ABI2: variants seen among roughly 807,000 people sequenced by gnomAD.
ABI2 encodes the protein abl interactor 2, also known as abelson interactor 2.
In ABI2, 25 loss-of-function variants were observed where a neutral mutation model predicts 59.2. The observed-to-expected ratio is 0.42, with a 90% CI of 0.31 to 0.59. ABI2 has a LOEUF of 0.59. Among genes scored for constraint, ABI2 ranks in the 20% least tolerant of loss-of-function variants. ABI2 has a pLI of 0.14. For missense variants in ABI2, 545 were observed against 681.8 expected, an observed-to-expected ratio of 0.80 and a Z score of 2.23; for synonymous variants, 213 against 235.5, an observed-to-expected ratio of 0.90 and a Z score of 0.87.
intron 7 of ABI2, 23 bp from the exon 8 acceptor site, chr2:203,396,762 C>T: frequency 6.6e-7 from 1 of 1,510,932 alleles, no homozygotes; most frequent in Non-Finnish European, 8.8e-7. Flanking sequence ...TTAATGCTGC[C>T]TCTTACTCCT....
chr2:203,430,202 CTCTT>C lies in ABI2; in HGVS notation c.*2852_*2855del, dbSNP rs527538907. On this transcript the variant is annotated 3_prime_UTR_variant, in exon 12 of 12. Coordinates refer to ENST00000261018, the MANE Select transcript of ABI2 (RefSeq NM_001375670.1). The stretch of plus-strand genomic sequence containing the variant: ...ATTTTTTGTTTTATTGTAAGTTTCC[CTCTT>C]TTTTTATAAATTAAAAGATGGTTGG... The C allele has an allele frequency of 6.6e-5, 10 of 152,012 alleles. No individual in the cohort carries two copies. The highest frequency in any genetic ancestry group is 4.4e-5 in the Non-Finnish European group (3 of 68,006). 9.4% of individuals were successfully genotyped at this position (152,012 alleles called of 1,614,324 possible).
chr2:203,398,245 C>T (rs995856591), intron 8 of ABI2, among the ~76,000 whole-genome samples: 3 of 152,050 alleles, frequency 2.0e-5, no homozygotes, highest in Non-Finnish European at 4.4e-5. Flanking sequence ...GTTTTTTGAT[C>T]CAGATACAAC....
At chr2:203,368,431 T>C (rs2094708457) in intron 2 of ABI2, among the ~76,000 whole-genome samples, 1 of 152,098 alleles carries the variant, frequency 6.6e-6, no homozygotes, top group South Asian at 2.1e-4. Context: ...ATGTGCATAT[T>C]ATTATTATTT....
intron 4 of ABI2, among the ~76,000 whole-genome samples, chr2:203,390,424 G>T (rs2096698838): frequency 6.6e-6 from 1 of 152,156 alleles, no homozygotes; most frequent in East Asian, 1.9e-4. Flanking sequence ...CTAAGCTCAG[G>T]AGTTTGAGAT....
At chr2:203,395,093 G>GA (rs1318673619) in intron 6 of ABI2, 3 of 706,860 alleles carry the variant, frequency 4.2e-6, no homozygotes, top group East Asian at 2.7e-5. Flanking sequence ...AGTTGATCTG[G>GA]AAAAAAAATT....
intron 1 of ABI2, chr2:203,351,407 T>A: frequency 3.1e-6 from 1 of 325,682 alleles, no homozygotes; most frequent in South Asian, 2.5e-5. Flanking sequence ...TTATATTGAA[T>A]CTGTAGATAA....
intron 1 of ABI2, among the ~76,000 whole-genome samples, chr2:203,332,947 A>G (rs1405204303): frequency 6.6e-6 from 1 of 152,210 alleles, no homozygotes; most frequent in Non-Finnish European, 1.5e-5. Context: ...GGATTTATTC[A>G]AAAGAGAAGA....
At chr2:203,408,287 C>A (rs560245784) in intron 9 of ABI2, among the ~76,000 whole-genome samples, 93 of 151,898 alleles carry the variant, frequency 6.1e-4, no homozygotes, top group African/African-American at 2.2e-3. Flanking sequence ...TTCAGCCTCC[C>A]GAGTAGCTGG....
intron 5 of ABI2, chr2:203,394,239 T>C (rs955215705): frequency 1.3e-5 from 2 of 155,026 alleles, no homozygotes; most frequent in African/African-American, 4.8e-5. Context: ...GTATTGATCA[T>C]CAGTGTGGGG....
At chr2:203,353,467 G>A (rs897223324) in intron 1 of ABI2, among the ~76,000 whole-genome samples, 1 of 152,018 alleles carries the variant, frequency 6.6e-6, no homozygotes, top group Non-Finnish European at 1.5e-5. Flanking sequence ...TCTGTCCAGA[G>A]GTGCTTCATT....
At position 203,431,277 on chromosome 2, in the gene ABI2, TCTCA is replaced by T. The variant is rs1026949501; in HGVS notation, c.*3930_*3933del. Reference sequence around the variant, plus strand: ...AACAGCTAGTTAATAACAGCAGAGTTCTCACTCAGTGCTCAGTACTTAATTTTCC... The same window carrying T: ...AACAGCTAGTTAATAACAGCAGAGTTCTCAGTGCTCAGTACTTAATTTTCC... On this transcript the variant is annotated 3_prime_UTR_variant, in exon 12 of 12. Coordinates refer to ENST00000261018, the MANE Select transcript of ABI2 (RefSeq NM_001375670.1). 2 of 152,640 alleles carry T rather than the reference TCTCA, an allele frequency of 1.3e-5. No individual in the cohort carries two copies. Among genetic ancestry groups the T allele is most frequent in the African/African-American group, 4.8e-5 (2 of 41,448 alleles). The allele number at this position is 152,640 out of a possible 1,614,324, so 9.5% of individuals were successfully genotyped here.
intron 2 of ABI2, among the ~76,000 whole-genome samples, chr2:203,376,780 A>T (rs1469676162): frequency 7.4e-6 from 1 of 135,316 alleles, no homozygotes; most frequent in Non-Finnish European, 1.5e-5. Context: ...GTTTGGGCTA[A>T]GTGTGTGTTT....
intron 1 of ABI2, among the ~76,000 whole-genome samples, chr2:203,347,653 T>C (rs1320599643): frequency 1.3e-5 from 2 of 152,190 alleles, no homozygotes; most frequent in Non-Finnish European, 2.9e-5. Context: ...ATATAAGGAT[T>C]GAGATGATAT....
At chr2:203,405,176 G>A (rs2097372827) in intron 9 of ABI2, among the ~76,000 whole-genome samples, 1 of 152,114 alleles carries the variant, frequency 6.6e-6, no homozygotes, top group Admixed American at 6.6e-5. Context: ...TCTGTACTCT[G>A]CTCTATTAAG....
intron 1 of ABI2, among the ~76,000 whole-genome samples, chr2:203,346,306 T>C (rs1173866229): frequency 6.6e-6 from 1 of 152,224 alleles, no homozygotes; most frequent in African/African-American, 2.4e-5. Flanking sequence ...TTGGTATCTT[T>C]TTCAGGTTTT....
chr2:203,422,707 G>C (rs754811181), intron 11 of ABI2, among the ~76,000 whole-genome samples: 4 of 152,188 alleles, frequency 2.6e-5, no homozygotes, highest in Admixed American at 1.3e-4. Context: ...TTTTTTTCAA[G>C]TGAATAGTTT....
intron 1 of ABI2, among the ~76,000 whole-genome samples, chr2:203,337,455 T>C (rs1050536879): frequency 1.3e-5 from 2 of 152,172 alleles, no homozygotes; most frequent in Non-Finnish European, 2.9e-5. Context: ...GTCTGTACAC[T>C]AAAAACTATA....
chr2:203,414,470 C>T (rs2097808004), intron 10 of ABI2, among the ~76,000 whole-genome samples: 1 of 152,106 alleles, frequency 6.6e-6, no homozygotes, highest in Admixed American at 6.6e-5. Context: ...CTCTTCCTCC[C>T]CATTAACTCT....
chr2:203,329,605 A>AT (rs1019434583), intron 1 of ABI2, among the ~76,000 whole-genome samples: 34 of 149,048 alleles, frequency 2.3e-4, no homozygotes, highest in Admixed American at 6.7e-4. Context: ...TTCTGCCTCC[A>AT]TTTTTTTTCT....
Sources: gnomAD v4.1 joint callset for allele counts (sites outside exome capture counted in the v4.1 genomes callset) on GRCh38, gnomAD v4.1.1 for gene constraint, MANE v1.5 for transcripts, NCBI Gene and HGNC (gene_info 2026-07-23, HGNC 2026-07-21) for gene names.